SPN: variants seen among roughly 807,000 people sequenced by gnomAD.
The protein encoded by SPN is leukosialin.
In SPN, 6 loss-of-function variants were observed where a neutral mutation model predicts 8.4. The observed-to-expected ratio is 0.72, with a 90% confidence interval of 0.39 to 1.42. The LOEUF is 1.42. Ranked by LOEUF, SPN falls within the 40% of genes most tolerant of loss-of-function variation. The pLI is 0.02. For missense variants in SPN, 517 were observed against 530.6 expected (o/e 0.97, Z 0.25); for synonymous variants, 201 against 222.6 (o/e 0.90, Z 0.86).
rs1460552685 is a variant in SPN at position 29,666,716 on chromosome 16, G to C, written c.*1785G>C. On this transcript the variant is annotated 3_prime_UTR_variant, in exon 2 of 2. Coordinates refer to ENST00000652691, the MANE Select transcript of SPN (RefSeq NM_003123.6). ...GGGCTGAGCCCCTTCCATCCTCCAA[G>C]AGGAACCAGTGAGAGTGAGTGAAGG... 2.7e-6 allele frequency: 1 copy of C among 366,664 alleles called. No homozygotes were observed. The highest frequency in any genetic ancestry group is 7.4e-5 in the East Asian group (1 of 13,440). 22.7% of individuals were successfully genotyped at this position (366,664 alleles called of 1,614,324 possible).
chr16:29,668,078 G>C lies in SPN; in HGVS notation c.*3147G>C, dbSNP rs1048636117. ...AGGAAGAGATTCCAGTGGCTGAGCA[G>C]AAGGGCTCGCATTGCCCTGGCGAAA... On this transcript the variant is annotated 3_prime_UTR_variant, in exon 2 of 2. Transcript: ENST00000652691. 6 of 167,126 alleles carry C rather than the reference G, an allele frequency of 3.6e-5. No individual in the cohort carries two copies. The highest frequency in any genetic ancestry group is 7.3e-5 in the Non-Finnish European group (5 of 68,134). The allele number at this position is 167,126 out of a possible 1,614,324, so 10.4% of individuals were successfully genotyped here.
chr16:29,667,964 A>ACATGTGTGTGCG lies in SPN; in HGVS notation c.*3044_*3055dup, dbSNP rs1416499823. 3.0e-5 allele frequency: 5 copies of ACATGTGTGTGCG among 166,598 alleles called. No individual in the cohort carries two copies. Among genetic ancestry groups the ACATGTGTGTGCG allele is most frequent in the Non-Finnish European group, 7.3e-5 (5 of 68,204 alleles). The allele number at this position is 166,598 out of a possible 1,614,324, so 10.3% of individuals were successfully genotyped here. Reference sequence around the variant, plus strand: ...CATGTGCCTGTGTGTGTATGTGTGCACATGTGTGTGCGCATGTGTGTGTGT... The same window carrying ACATGTGTGTGCG: ...CATGTGCCTGTGTGTGTATGTGTGCACATGTGTGTGCGCATGTGTGTGCGCATGTGTGTGTGT... On this transcript the variant is annotated 3_prime_UTR_variant, in exon 2 of 2. Transcript: ENST00000652691.
rs1443751143 is a variant in SPN, at chr16:29,664,707, G to T, written c.979G>T (p.Gly327Cys). The change falls in exon 2 of 2, where the codon GGC becomes TGC. Residue 327 changes from glycine (G) to cysteine (C), a missense_variant. Coordinates refer to ENST00000652691, the MANE Select transcript of SPN (RefSeq NM_003123.6). This position sits in a 1 kb window ranked among gnomAD's most constrained non-coding sequence, Gnocchi z 6.4. The part of the protein sequence containing the change: ...VTVGGSGGDK[G>C]SGFPDGEGSS... ...CGTGGGAGGGTCCGGGGGCGACAAG[G>T]GCTCTGGGTTCCCCGATGGGGAGGG... 14 of 1,481,142 alleles carry T rather than the reference G, an allele frequency of 9.5e-6. No homozygotes were observed. Among genetic ancestry groups the T allele is most frequent in the Non-Finnish European group, 1.2e-5 (13 of 1,117,036 alleles). 91.7% of individuals were successfully genotyped at this position (1,481,142 alleles called of 1,614,324 possible). A position where few individuals can be genotyped will look rare whatever the true frequency, so the allele number is the denominator to read the frequency against.
chr16:29,667,188 G>T lies in SPN; in HGVS notation c.*2257G>T. On this transcript the variant is annotated 3_prime_UTR_variant, in exon 2 of 2. Transcript: ENST00000652691. ...TGGTGGCCTTTTCTGATTGCTATTTGGACTCACTGCAGCTGCAGAATGACA... is the reference window on the plus strand; with the variant it reads ...TGGTGGCCTTTTCTGATTGCTATTTTGACTCACTGCAGCTGCAGAATGACA... The T allele has an allele frequency of 2.7e-6, 1 of 375,128 alleles. No homozygotes were observed. Among genetic ancestry groups the T allele is most frequent in the Non-Finnish European group, 5.5e-6 (1 of 180,188 alleles). The allele number at this position is 375,128 out of a possible 1,614,324, so 23.2% of individuals were successfully genotyped here.
chr16:29,668,569 G>C lies in SPN; in HGVS notation c.*3638G>C, dbSNP rs1966840252. On this transcript the variant is annotated 3_prime_UTR_variant, in exon 2 of 2. Transcript: ENST00000652691. The stretch of plus-strand genomic sequence containing the variant: ...CTCAACCTCCTGGGCCTCCCAAGTA[G>C]CTGCGATCACAGGTGTGCACCAACA... The C allele has an allele frequency of 6.5e-6, 1 of 153,812 alleles. No homozygotes were observed. The highest frequency in any genetic ancestry group is 1.5e-5 in the Non-Finnish European group (1 of 68,040). 9.5% of individuals were successfully genotyped at this position (153,812 alleles called of 1,614,324 possible).
In SPN at chr16:29,664,788, G is replaced by T. The variant is rs777639519; in HGVS notation, c.1060G>T (p.Gly354Cys). 2 of 1,501,924 alleles carry T rather than the reference G, an allele frequency of 1.3e-6. No homozygotes were observed. Among genetic ancestry groups the T allele is most frequent in the East Asian group, 2.3e-5 (1 of 43,096 alleles). 93.0% of individuals were successfully genotyped at this position (1,501,924 alleles called of 1,614,324 possible). A position where few individuals can be genotyped will look rare whatever the true frequency, so the allele number is the denominator to read the frequency against. Reference sequence around the variant, plus strand: ...CTTTGGCAGACGGAAGTCTCGCCAGGGCTCCCTGGCGATGGAGGAGCTGAA... The same window carrying T: ...CTTTGGCAGACGGAAGTCTCGCCAGTGCTCCCTGGCGATGGAGGAGCTGAA... ...TFFGRRKSRQ[G>C]SLAMEELKSG... Residue 354 changes from glycine to cysteine, a missense_variant, in exon 2 of 2, where the codon GGC becomes TGC. Transcript: ENST00000652691. The surrounding 1 kb of genome is among the most constrained non-coding windows in gnomAD (Gnocchi z 6.4).
rs1966802356 is a variant in SPN at position 29,665,842 on chromosome 16, G to C, written c.*911G>C. On this transcript the variant is annotated 3_prime_UTR_variant, in exon 2 of 2. Transcript: ENST00000652691. ...CCAGCCCATGCTCTCAGGCGGGCCT[G>C]TGATCTTTCCCAGGGCACATGGACT... is the stretch of plus-strand genomic sequence containing the variant. 6.0e-6 allele frequency: 1 copy of C among 167,124 alleles called. No homozygotes were observed. Among genetic ancestry groups the C allele is most frequent in the Non-Finnish European group, 1.5e-5 (1 of 68,136 alleles). The allele number at this position is 167,124 out of a possible 1,614,324, so 10.4% of individuals were successfully genotyped here.
rs562681498 is a variant in SPN, at chr16:29,670,070, G to A, written c.*5139G>A. 2.2e-4 allele frequency: 37 copies of A among 166,028 alleles called. 1 individual carries two copies. Among genetic ancestry groups the A allele is most frequent in the Middle Eastern group, 6.7e-3 (2 of 300 alleles). The allele number at this position is 166,028 out of a possible 1,614,324, so 10.3% of individuals were successfully genotyped here. On this transcript the variant is annotated 3_prime_UTR_variant, in exon 2 of 2. Transcript: ENST00000652691. ...AAATTAGCCAGGTGTAGTGGTGTGC[G>A]CCTGTGGTACCAGCTACTCAAGAGG...
chr16:29,663,996 C>G lies in SPN; in HGVS notation c.268C>G (p.Pro90Ala). The G allele has an allele frequency of 6.2e-7, 1 of 1,614,112 alleles. No homozygotes were observed. Among genetic ancestry groups the G allele is most frequent in the Non-Finnish European group, 8.5e-7 (1 of 1,180,010 alleles). Residue 90 changes from proline (P) to alanine (A), a missense_variant, in exon 2 of 2, where the codon CCT (proline) becomes GCT (alanine). Pro to Ala is a conservative substitution (Grantham distance 27, BLOSUM62 -1). Transcript: ENST00000652691. This position sits in a 1 kb window ranked among gnomAD's most constrained non-coding sequence, Gnocchi z 4.3. ...SIGASTGSPL[P>A]EPTTYQEVSI... ...TGGTGCCAGCACTGGTTCCCCTTTA[C>G]CTGAGCCAACAACCTACCAGGAAGT...
In SPN at chr16:29,664,724, T is replaced by TAC; in HGVS notation, c.996_997insAC (p.Gly333ThrfsTer30). ...GCGACAAGGGCTCTGGGTTCCCCGATGGGGAGGGGTCTAGCCGTCGGCCCA... is the reference window on the plus strand; with the variant it reads ...GCGACAAGGGCTCTGGGTTCCCCGATACGGGGAGGGGTCTAGCCGTCGGCCCA... On this transcript the variant is annotated frameshift_variant, in exon 2 of 2. Coordinates refer to ENST00000652691, the MANE Select transcript of SPN (RefSeq NM_003123.6). LOFTEE classifies it high-confidence loss of function. The surrounding 1 kb of genome is among the most constrained non-coding windows in gnomAD (Gnocchi z 6.4). The TAC allele has an allele frequency of 6.8e-7, 1 of 1,480,086 alleles. No individual in the cohort carries two copies. Among genetic ancestry groups the TAC allele is most frequent in the Non-Finnish European group, 9.0e-7 (1 of 1,116,394 alleles). The allele number at this position is 1,480,086 out of a possible 1,614,324, so 91.7% of individuals were successfully genotyped here.
Position 29,663,690 on chromosome 16 carries a change from T to G in SPN, c.-34-5T>G. Reference sequence around the variant, plus strand: ...TGTTCTGCTTCTCCGGCTGCCCACCTGCAGGTCCCAGCTCTTGCTCCTGCC... The same window carrying G: ...TGTTCTGCTTCTCCGGCTGCCCACCGGCAGGTCCCAGCTCTTGCTCCTGCC... On this transcript the variant is annotated splice_region_variant and splice_polypyrimidine_tract_variant and intron_variant, in intron 1 of 1. Coordinates refer to ENST00000652691, the MANE Select transcript of SPN (RefSeq NM_003123.6). The surrounding 1 kb of genome is among the most constrained non-coding windows in gnomAD (Gnocchi z 4.3). The G allele has an allele frequency of 6.6e-7, 1 of 1,521,614 alleles. No individual in the cohort carries two copies. The allele number at this position is 1,521,614 out of a possible 1,614,324, so 94.3% of individuals were successfully genotyped here. A position where few individuals can be genotyped will look rare whatever the true frequency, so the allele number is the denominator to read the frequency against.
At position 29,666,550 on chromosome 16, in the gene SPN, A is replaced by ACG. The variant is rs1279108648; in HGVS notation, c.*1620_*1621insGC. ...CACACACACACACACACACACACAC[A>ACG]CACGCGCGCGCGCGCGCGCTCTCCT... is the stretch of plus-strand genomic sequence containing the variant. On this transcript the variant is annotated 3_prime_UTR_variant, in exon 2 of 2. Transcript: ENST00000652691. 2.1e-3 allele frequency: 293 copies of ACG among 140,956 alleles called. 2 individuals are homozygous for ACG. Among genetic ancestry groups the ACG allele is most frequent in the South Asian group, 3.5e-3 (26 of 7,402 alleles). 8.7% of individuals were successfully genotyped at this position (140,956 alleles called of 1,614,324 possible). A position where few individuals can be genotyped will look rare whatever the true frequency, so the allele number is the denominator to read the frequency against.
rs1253636780 is a variant in SPN at position 29,664,781 on chromosome 16, TC to T, written c.1054del (p.Arg352AlafsTer10). The T allele has an allele frequency of 2.1e-5, 32 of 1,498,760 alleles. No individual in the cohort carries two copies. Among genetic ancestry groups the T allele is most frequent in the Non-Finnish European group, 8.9e-7 (1 of 1,126,868 alleles). The allele number at this position is 1,498,760 out of a possible 1,614,324, so 92.8% of individuals were successfully genotyped here. A position where few individuals can be genotyped will look rare whatever the true frequency, so the allele number is the denominator to read the frequency against. ...LTTFFGRRKSRQGSLAMEELK... is the reference protein window; with the variant it reads ...LTTFFGRRKSXQGSLAMEELK... ...CCACTTTCTTTGGCAGACGGAAGTC[TC>T]GCCAGGGCTCCCTGGCGATGGAGGA... On this transcript the variant is annotated frameshift_variant, in exon 2 of 2. Transcript: ENST00000652691. LOFTEE classifies it high-confidence loss of function. The surrounding 1 kb of genome is among the most constrained non-coding windows in gnomAD (Gnocchi z 6.4).
rs758907880 is a variant in SPN, at chr16:29,666,526, A to T, written c.*1595A>T. The T allele has an allele frequency of 4.9e-3, 543 of 109,856 alleles. 3 individuals are homozygous for T. The highest frequency in any genetic ancestry group is 0.017 in the African/African-American group (443 of 26,048). 6.8% of individuals were successfully genotyped at this position (109,856 alleles called of 1,614,324 possible). ...CGCTCTCTCTCTCTCTCTCTCTCTC[A>T]CACACACACACACACACACACACAC... On this transcript the variant is annotated 3_prime_UTR_variant, in exon 2 of 2. Coordinates refer to ENST00000652691, the MANE Select transcript of SPN (RefSeq NM_003123.6).
At position 29,665,277 on chromosome 16, in the gene SPN, A is replaced by G. The variant is rs1966795618; in HGVS notation, c.*346A>G. The G allele has an allele frequency of 5.3e-6, 1 of 187,598 alleles. No homozygotes were observed. The highest frequency in any genetic ancestry group is 2.4e-5 in the African/African-American group (1 of 42,524). The allele number at this position is 187,598 out of a possible 1,614,324, so 11.6% of individuals were successfully genotyped here. On this transcript the variant is annotated 3_prime_UTR_variant, in exon 2 of 2. Transcript: ENST00000652691. ...CACCATGTTGGCTAGGCTGGTCTCA[A>G]ACTCCTGACCTCAGGTGATCTACCT...
Position 29,665,095 on chromosome 16 carries a change from G to A in SPN, c.*164G>A, listed in dbSNP as rs1046379770. On this transcript the variant is annotated 3_prime_UTR_variant, in exon 2 of 2. Coordinates refer to ENST00000652691, the MANE Select transcript of SPN (RefSeq NM_003123.6). ...TTTTGAGACAGAGTTTCGCTTTGTC[G>A]CCCAGGCTGGAGTGCAATGCACGAT... is the stretch of plus-strand genomic sequence containing the variant. 6.0e-6 allele frequency: 5 copies of A among 828,368 alleles called. No individual in the cohort carries two copies. In the East Asian group the frequency reaches 1.0e-4, roughly 17 times the overall value. 51.3% of individuals were successfully genotyped at this position (828,368 alleles called of 1,614,324 possible). A position where few individuals can be genotyped will look rare whatever the true frequency, so the allele number is the denominator to read the frequency against.
At chr16:29,663,134 TG>T (rs1966756799), upstream of SPN, 1 of 147,802 alleles carries the variant, frequency 6.8e-6, no homozygotes, top group Admixed American at 6.8e-5. The surrounding 1 kb of genome is among the most constrained non-coding windows in gnomAD (Gnocchi z 4.3). Flanking sequence ...CAGGTGATGG[TG>T]CTGTCTTCGC....
At position 29,663,636 on chromosome 16, in the gene SPN, C is replaced by A; in HGVS notation, c.-34-59C>A. The A allele has an allele frequency of 6.7e-7, 1 of 1,491,472 alleles. No individual in the cohort carries two copies. Among genetic ancestry groups the A allele is most frequent in the Non-Finnish European group, 8.9e-7 (1 of 1,122,036 alleles). 92.4% of individuals were successfully genotyped at this position (1,491,472 alleles called of 1,614,324 possible). ...GGCAGGGAAGTGGGCAGAGGGGAGG[C>A]CCGGCCAGGTCCTCCGGCAACTCCC... On this transcript the variant is annotated intron_variant, in intron 1 of 1. Transcript: ENST00000652691. The surrounding 1 kb of genome is among the most constrained non-coding windows in gnomAD (Gnocchi z 4.3).
Position 29,664,168 on chromosome 16 carries a change from G to A in SPN, c.440G>A (p.Ser147Asn), listed in dbSNP as rs1456599399. 1.2e-6 allele frequency: 2 copies of A among 1,613,948 alleles called. No individual in the cohort carries two copies. The highest frequency in any genetic ancestry group is 2.2e-5 in the South Asian group (2 of 91,074). ...TNSPETSSRT[S>N]GAPVTTAASS... ...TCTCCAGAAACCTCCAGTAGGACCA[G>A]TGGAGCCCCTGTTACCACGGCAGCT... Residue 147 changes from serine to asparagine, a missense_variant, in exon 2 of 2, where the codon AGT becomes AAT. Transcript: ENST00000652691. The surrounding 1 kb of genome is among the most constrained non-coding windows in gnomAD (Gnocchi z 6.4).
Sources: gnomAD v4.1 joint callset for allele counts on GRCh38, gnomAD v4.1.1 for gene constraint, Gnocchi (gnomAD v3.1) non-coding constraint, MANE v1.5 for transcripts, NCBI Gene and HGNC (gene_info 2026-07-23, HGNC 2026-07-21) for gene names.